The following CEP85L variants were observed in gnomAD, a reference collection of about 807,000 sequenced individuals.
CEP85L encodes the protein centrosomal protein of 85 kDa-like.
A neutral mutation model predicts 100.3 loss-of-function variants in CEP85L; 60 were observed. That is an observed-to-expected ratio of 0.60 (90% CI 0.49 to 0.74). The LOEUF is 0.74. Ranked by LOEUF, CEP85L falls within the 30% of genes least tolerant of loss-of-function variation. CEP85L has a pLI of 0.00. For missense variants in CEP85L, 973 were observed against 936.2 expected (o/e 1.04, Z -0.51); for synonymous variants, 319 against 322.7 (o/e 0.99, Z 0.12).
chr6:118,523,743 G>T, intron 4 of CEP85L, 59 bp downstream of exon 4: 1 of 780,034 alleles, frequency 1.3e-6, no homozygotes, highest in Non-Finnish European at 2.1e-6. Flanking sequence ...AAAGTTAATT[G>T]TTTCATTAAT....
chr6:118,466,682 G>A (rs1356115952), intron 12 of CEP85L, among the ~76,000 whole-genome samples: 1 of 152,084 alleles, frequency 6.6e-6, no homozygotes, highest in African/African-American at 2.4e-5. Flanking sequence ...ACAAAGGAGA[G>A]TACCAAGAAA....
chr6:118,640,868 A>T (rs985033110), intron 1 of CEP85L, among the ~76,000 whole-genome samples: 6 of 152,134 alleles, frequency 3.9e-5, no homozygotes, highest in African/African-American at 1.4e-4. Flanking sequence ...TATAATTAGG[A>T]TCTCAATAAA....
At chr6:118,555,729 G>C (rs1311284647) in intron 3 of CEP85L, among the ~76,000 whole-genome samples, 1 of 152,118 alleles carries the variant, frequency 6.6e-6, no homozygotes, top group Admixed American at 6.6e-5. Context: ...TGGGGAGCTT[G>C]TTGTATGTAT....
intron 2 of CEP85L, among the ~76,000 whole-genome samples, chr6:118,567,209 ATGTGTGTGTGTGTGTGTGTGTG>A (rs68047463): frequency 2.9e-4 from 26 of 89,680 alleles, no homozygotes; most frequent in East Asian, 1.8e-3. Flanking sequence ...ATATATATGT[ATGTGTGTGTGTGTGTGTGTGTG>A]TGTGTGTGTG....
At chr6:118,523,749 T>C (rs1776795789) in intron 4 of CEP85L, 53 bp downstream of exon 4, 14 of 829,268 alleles carry the variant, frequency 1.7e-5, no homozygotes, top group Non-Finnish European at 2.5e-5. Flanking sequence ...AATTGTTTCA[T>C]TAATCTAAAT....
At chr6:118,590,164 A>G (rs966132720) in intron 2 of CEP85L, among the ~76,000 whole-genome samples, 1 of 151,892 alleles carries the variant, frequency 6.6e-6, no homozygotes, top group Non-Finnish European at 1.5e-5. Context: ...TTCCTGTTCA[A>G]CATGCACTCC....
intron 2 of CEP85L, among the ~76,000 whole-genome samples, chr6:118,580,232 G>T (rs549486347): frequency 2.0e-5 from 3 of 152,088 alleles, no homozygotes; most frequent in African/African-American, 7.2e-5. Flanking sequence ...AACTCTCTCC[G>T]CTCCTTAAAA....
rs757164815 is a variant in CEP85L, at chr6:118,461,532, TTC to T, written c.*3871_*3872del. The T allele has an allele frequency of 6.6e-6, 1 of 152,010 alleles. No homozygotes were observed. Among genetic ancestry groups the T allele is most frequent in the Admixed American group, 6.6e-5 (1 of 15,266 alleles). 9.4% of individuals were successfully genotyped at this position (152,010 alleles called of 1,614,324 possible). A position where few individuals can be genotyped will look rare whatever the true frequency, so the allele number is the denominator to read the frequency against. On this transcript the variant is annotated 3_prime_UTR_variant, in exon 13 of 13. Transcript: ENST00000368491. Reference sequence around the variant, plus strand: ...ACTGCAGGCAAAAAGGCACAAAAGGTTCTCTCTGTGTACAGCTGCAATAGTGT... The same window carrying T: ...ACTGCAGGCAAAAAGGCACAAAAGGTTCTCTGTGTACAGCTGCAATAGTGT...
At chr6:118,689,640 C>A (rs1776964624) in intron 1 of CEP85L, among the ~76,000 whole-genome samples, 1 of 152,170 alleles carries the variant, frequency 6.6e-6, no homozygotes. Context: ...CATTACTAAA[C>A]CAACTCAGCC....
intron 1 of CEP85L, among the ~76,000 whole-genome samples, chr6:118,658,881 GA>G (rs1177288906): frequency 6.6e-6 from 1 of 152,022 alleles, no homozygotes; most frequent in Non-Finnish European, 1.5e-5. Flanking sequence ...GACATATCTA[GA>G]CCAAATTAAA....
intron 2 of CEP85L, among the ~76,000 whole-genome samples, chr6:118,578,680 G>C (rs562287955): frequency 6.6e-6 from 1 of 152,252 alleles, no homozygotes; most frequent in East Asian, 1.9e-4. Flanking sequence ...CATGAGCCGA[G>C]ACCGCGCCAC....
At chr6:118,592,075 A>C (rs1325646983) in intron 2 of CEP85L, among the ~76,000 whole-genome samples, 1 of 152,230 alleles carries the variant, frequency 6.6e-6, no homozygotes, top group Non-Finnish European at 1.5e-5. Context: ...AAGTACAAAG[A>C]GGTTAAATTA....
intron 2 of CEP85L, among the ~76,000 whole-genome samples, chr6:118,601,589 G>C (rs1021123638): frequency 2.0e-5 from 3 of 152,110 alleles, no homozygotes; most frequent in African/African-American, 7.2e-5. Flanking sequence ...CAAAGTGAAA[G>C]CAAGTTTATT....
rs1047496457 is a variant in CEP85L, at chr6:118,600,918, C to A, written c.232+31535G>T. 2.6e-4 allele frequency among the ~76,000 whole-genome samples: 39 copies of A among 152,010 alleles called. 1 individual carries two copies. The highest frequency in any genetic ancestry group is 9.2e-4 in the African/African-American group (38 of 41,376). On this transcript the variant is annotated intron_variant, in intron 2 of 12. Transcript: ENST00000368491. Reference sequence around the variant, plus strand: ...GCTTGAATTTCTTTCTAGGTTGGTACATATATAGCTATCTAATTAGTTTTA... The same window carrying A: ...GCTTGAATTTCTTTCTAGGTTGGTAAATATATAGCTATCTAATTAGTTTTA...
chr6:118,519,295 A>G (rs1776473049), intron 4 of CEP85L, among the ~76,000 whole-genome samples: 1 of 151,872 alleles, frequency 6.6e-6, no homozygotes, highest in Non-Finnish European at 1.5e-5. Context: ...CTCTACTAAA[A>G]ATACAGAAAT....
intron 6 of CEP85L, among the ~76,000 whole-genome samples, chr6:118,487,978 C>G (rs1052088875): frequency 1.3e-5 from 2 of 151,918 alleles, no homozygotes; most frequent in African/African-American, 2.4e-5. Context: ...ACCTAGAATA[C>G]TCCTGAAGCC....
intron 2 of CEP85L, among the ~76,000 whole-genome samples, chr6:118,610,136 T>G (rs879718619): frequency 9.2e-5 from 14 of 152,168 alleles, no homozygotes; most frequent in African/African-American, 3.4e-4. Context: ...ATTTAGAGAT[T>G]TTTTTAAAAA....
In CEP85L at chr6:118,520,690, C is replaced by T. The variant is rs180819822; in HGVS notation, c.1139+3112G>A. On this transcript the variant is annotated intron_variant, in intron 4 of 12. Transcript: ENST00000368491. Reference sequence around the variant, plus strand: ...ACCAACCTCTCTGTATTCGCTACTTCCCCCAGCCTTCCCGCCTCCAGTAAC... The same window carrying T: ...ACCAACCTCTCTGTATTCGCTACTTTCCCCAGCCTTCCCGCCTCCAGTAAC... 5.8e-4 allele frequency among the ~76,000 whole-genome samples: 88 copies of T among 152,292 alleles called. 1 individual carries two copies. The East Asian group carries it at 0.016, about 28-fold the overall frequency.
chr6:118,550,372 T>C (rs1337082584), intron 3 of CEP85L, among the ~76,000 whole-genome samples: 2 of 151,844 alleles, frequency 1.3e-5, no homozygotes, highest in African/African-American at 4.8e-5. Flanking sequence ...CACTAAATTA[T>C]GTAATATATT....
Sources: gnomAD v4.1 joint callset for allele counts (sites outside exome capture counted in the v4.1 genomes callset) on GRCh38, gnomAD v4.1.1 for gene constraint, MANE v1.5 for transcripts, NCBI Gene and HGNC (gene_info 2026-07-23, HGNC 2026-07-21) for gene names.